The following ZDHHC18 variants were observed in gnomAD, a reference collection of about 807,000 sequenced individuals.
ZDHHC18 encodes palmitoyltransferase ZDHHC18.
In ZDHHC18, 23 loss-of-function variants were observed where a neutral mutation model predicts 37.5. The observed-to-expected ratio is 0.61, with a 90% CI of 0.44 to 0.87. The LOEUF is 0.87. ZDHHC18 is among the 40% of genes least tolerant of loss of function. The pLI is 0.00. For synonymous variants in ZDHHC18, 185 were observed against 218.7 expected, an observed-to-expected ratio of 0.85 and a Z score of 1.36; for missense variants, 406 against 525.6, an observed-to-expected ratio of 0.77 and a Z score of 2.22.
intron 2 of ZDHHC18, among the ~76,000 whole-genome samples, chr1:26,841,472 G>A (rs982931384): frequency 5.9e-5 from 9 of 152,176 alleles, no homozygotes; most frequent in African/African-American, 2.4e-5. Context: ...GCACAGAGAA[G>A]TTGAGTGATT....
rs1465821250 is a variant in ZDHHC18, at chr1:26,826,899, C to T, written c.95C>T (p.Thr32Ile). 1.0e-6 allele frequency: 1 copy of T among 984,318 alleles called. No homozygotes were observed. Among genetic ancestry groups the T allele is most frequent in the Non-Finnish European group, 1.2e-6 (1 of 830,832 alleles). 61.0% of individuals were successfully genotyped at this position (984,318 alleles called of 1,614,324 possible). A position where few individuals can be genotyped will look rare whatever the true frequency, so the allele number is the denominator to read the frequency against. Residue 32 changes from threonine to isoleucine, a missense_variant, in exon 1 of 8, where the codon ACT becomes ATT. Coordinates refer to ENST00000374142, the MANE Select transcript of ZDHHC18 (RefSeq NM_032283.3). The surrounding 1 kb of genome is among the most constrained non-coding windows in gnomAD (Gnocchi z 5.2). ...ARRPGPAASP[T>I]PGPGPAPPAA... ...CGTCCCGGCCCCGCCGCGTCCCCGACTCCGGGCCCCGGGCCCGCGCCGCCC... is the reference window on the plus strand; with the variant it reads ...CGTCCCGGCCCCGCCGCGTCCCCGATTCCGGGCCCCGGGCCCGCGCCGCCC...
rs377669341 is a variant in ZDHHC18, at chr1:26,841,962, T to C, written c.497-6646T>C. 5.9e-5 allele frequency among the ~76,000 whole-genome samples: 9 copies of C among 151,262 alleles called. No individual in the cohort carries two copies. The East Asian group carries it at 1.2e-3, about 20-fold the overall frequency. ...CAGCCTGGCCAACATAGTGAAACCC[T>C]GTCTCTACTAACAATACAAAAAATT... On this transcript the variant is annotated intron_variant, in intron 2 of 7. Coordinates refer to ENST00000374142, the MANE Select transcript of ZDHHC18 (RefSeq NM_032283.3).
rs776610893 is a variant in ZDHHC18 at position 26,827,069 on chromosome 1, G to C, written c.265G>C (p.Gly89Arg). 1.9e-5 allele frequency: 26 copies of C among 1,381,784 alleles called. No individual in the cohort carries two copies. Among genetic ancestry groups the C allele is most frequent in the Admixed American group, 3.1e-5 (1 of 32,130 alleles). The allele number at this position is 1,381,784 out of a possible 1,614,324, so 85.6% of individuals were successfully genotyped here. The change falls in exon 1 of 8, where the codon GGC (glycine) becomes CGC (arginine). Residue 89 changes from glycine (G) to arginine (R), a missense_variant. Coordinates refer to ENST00000374142, the MANE Select transcript of ZDHHC18 (RefSeq NM_032283.3). ...FYCGGRLMLA[G>R]HGGVFALTLL... The stretch of plus-strand genomic sequence containing the variant: ...CTGCGGCGGCCGCCTCATGCTGGCC[G>C]GCCACGGCGGCGTCTTCGCGCTCAC...
chr1:26,849,472 G>C (rs1468836601), intron 3 of ZDHHC18, among the ~76,000 whole-genome samples: 2 of 152,226 alleles, frequency 1.3e-5, no homozygotes, highest in Non-Finnish European at 2.9e-5. Flanking sequence ...GAACAGCAGG[G>C]AACACCCCCC....
In ZDHHC18 at chr1:26,851,129, C is replaced by T. The variant is rs369487760; in HGVS notation, c.834C>T (p.Ser278=). 6.2e-6 allele frequency: 10 copies of T among 1,614,148 alleles called. No homozygotes were observed. Among genetic ancestry groups the T allele is most frequent in the African/African-American group, 1.3e-5 (1 of 75,052 alleles). ...CATTGAAGTCCTTAACTGCCCTCAC[C>T]GTGCTGGAGTTGGTGATCTGCTTCT... ...FLSTLKETPA[S]VLELVICFFS... The change falls in exon 6 of 8, where the codon AGC becomes AGT. Residue 278 remains serine, a splice_region_variant and synonymous_variant. Coordinates refer to ENST00000374142, the MANE Select transcript of ZDHHC18 (RefSeq NM_032283.3).
chr1:26,829,531 A>G (rs763364870), intron 1 of ZDHHC18, among the ~76,000 whole-genome samples: 1 of 151,778 alleles, frequency 6.6e-6, no homozygotes, highest in Non-Finnish European at 1.5e-5. Context: ...AGCATAGCAA[A>G]CCACTCCCCT....
chr1:26,856,241 C>T lies in ZDHHC18; in HGVS notation c.*2398C>T. 1 of 451,256 alleles carries T rather than the reference C, an allele frequency of 2.2e-6. No homozygotes were observed. The allele number at this position is 451,256 out of a possible 1,614,324, so 28.0% of individuals were successfully genotyped here. On this transcript the variant is annotated 3_prime_UTR_variant, in exon 8 of 8. Coordinates refer to ENST00000374142, the MANE Select transcript of ZDHHC18 (RefSeq NM_032283.3). The surrounding 1 kb of genome is among the most constrained non-coding windows in gnomAD (Gnocchi z 5.2). ...GCACAGCCTGAGGGGAGCTAACAGGCCTCTTTGCAGAGGGTTAGCTGGTAA... is the reference window on the plus strand; with the variant it reads ...GCACAGCCTGAGGGGAGCTAACAGGTCTCTTTGCAGAGGGTTAGCTGGTAA...
At chr1:26,853,687 T>G in intron 7 of ZDHHC18, 39 bp from the exon 8 acceptor site, 4 of 1,593,454 alleles carry the variant, frequency 2.5e-6, no homozygotes, top group Non-Finnish European at 2.6e-6. Flanking sequence ...GCCTCAGTGT[T>G]GGGCAGAGCC....
intron 1 of ZDHHC18, 129 bp downstream of exon 1, chr1:26,827,268 C>T (rs1044951676): frequency 9.4e-6 from 7 of 748,194 alleles, no homozygotes; most frequent in African/African-American, 1.8e-5. Context: ...CCTTTGGGAT[C>T]CTCCTCGGGC....
At chr1:26,846,292 A>G (rs61336204) in intron 2 of ZDHHC18, among the ~76,000 whole-genome samples, 4,864 of 30,822 alleles carry the variant, frequency 0.16, 146 homozygotes, top group Non-Finnish European at 0.2. Flanking sequence ...GTGTGTGTGT[A>G]TATATATATA....
intron 2 of ZDHHC18, among the ~76,000 whole-genome samples, chr1:26,846,272 A>ATG (rs1233342256): frequency 0.05 from 4,263 of 84,856 alleles, 281 homozygotes; most frequent in Non-Finnish European, 0.073. Flanking sequence ...ATAGAGATAT[A>ATG]TGTGTGTGTG....
intron 1 of ZDHHC18, among the ~76,000 whole-genome samples, chr1:26,827,755 C>G (rs914541174): frequency 6.6e-6 from 1 of 152,144 alleles, no homozygotes; most frequent in Non-Finnish European, 1.5e-5. Context: ...ACACCCTAGG[C>G]CCCAAGGCAT....
In ZDHHC18 at chr1:26,850,860, G is replaced by A. The variant is rs2081700226; in HGVS notation, c.833+254G>A. Among the ~76,000 whole-genome samples, 1 of 152,186 alleles carries A rather than the reference G, an allele frequency of 6.6e-6. No homozygotes were observed. Among genetic ancestry groups the A allele is most frequent in the African/African-American group, 2.4e-5 (1 of 41,436 alleles). On this transcript the variant is annotated intron_variant, in intron 5 of 7. Coordinates refer to ENST00000374142, the MANE Select transcript of ZDHHC18 (RefSeq NM_032283.3). This position sits in a 1 kb window ranked among gnomAD's most constrained non-coding sequence, Gnocchi z 6.1. ...CTTAAGATGCCAAGCTCCCTGGACC[G>A]TGTCGTGCCCAAGGCTCTTTGTGAT...
chr1:26,836,814 C>G (rs1169232087), intron 2 of ZDHHC18, among the ~76,000 whole-genome samples: 1 of 149,822 alleles, frequency 6.7e-6, no homozygotes. Flanking sequence ...GTGATCCGCC[C>G]GTCTCAGCCT....
At chr1:26,832,211 T>C in intron 1 of ZDHHC18, 1 of 539,418 alleles carries the variant, frequency 1.9e-6, no homozygotes, top group Non-Finnish European at 3.3e-6. Context: ...ATTGGACACA[T>C]CTGCCATGTG....
intron 6 of ZDHHC18, 73 bp downstream of exon 6, chr1:26,851,304 G>A: frequency 6.9e-7 from 1 of 1,443,114 alleles, no homozygotes; most frequent in South Asian, 1.1e-5. Context: ...GGGAGCCTGG[G>A]GCAGCCAAGC....
At position 26,852,755 on chromosome 1, in the gene ZDHHC18, C is replaced by T. The variant is rs773745832; in HGVS notation, c.939C>T (p.Ile313=). 6.8e-6 allele frequency: 11 copies of T among 1,613,784 alleles called. No individual in the cohort carries two copies. The highest frequency in any genetic ancestry group is 3.3e-4 in the Middle Eastern group (2 of 6,082). Residue 313 remains isoleucine (I), a splice_region_variant and synonymous_variant, in exon 7 of 8, where the codon ATC becomes ATT. Coordinates refer to ENST00000374142, the MANE Select transcript of ZDHHC18 (RefSeq NM_032283.3). ...CTAGGCCTCCTTCCTGCTTGCAGAT[C>T]AAAGGCTCGTGGTCCAGCAAGAGGG... ...VASNLTTNED[I]KGSWSSKRGG...
At chr1:26,846,737 T>C (rs1316118260) in intron 2 of ZDHHC18, among the ~76,000 whole-genome samples, 1 of 152,136 alleles carries the variant, frequency 6.6e-6, no homozygotes, top group Non-Finnish European at 1.5e-5. Flanking sequence ...TGCATCTTAT[T>C]TGCATATATA....
intron 3 of ZDHHC18, among the ~76,000 whole-genome samples, chr1:26,849,878 C>A (rs981468177): frequency 4.6e-5 from 7 of 152,178 alleles, no homozygotes; most frequent in African/African-American, 1.7e-4. Context: ...TGGTGTAAGA[C>A]CAGCACAGCC....
Sources: allele counts gnomAD v4.1 joint callset (sites outside exome capture counted in the v4.1 genomes callset), GRCh38; gene constraint gnomAD v4.1.1; non-coding constraint Gnocchi (gnomAD v3.1); transcripts MANE v1.5; gene names NCBI Gene and HGNC (gene_info 2026-07-23, HGNC 2026-07-21).